Variants in RALGPS1 observed in about 807,000 individuals in gnomAD.
RALGPS1 encodes Ral GEF with PH domain and SH3 binding motif 1.
Under a neutral mutation model 78.8 loss-of-function variants are expected in RALGPS1, and 19 were observed. That is an observed-to-expected ratio of 0.24 (90% CI 0.17 to 0.35). The LOEUF is 0.35. Among genes scored for constraint, RALGPS1 ranks in the 10% least tolerant of loss-of-function variants. The pLI is 1.00. For synonymous variants in RALGPS1, 228 were observed against 256.3 expected (o/e 0.89, Z 1.06); for missense variants, 454 against 688.3 (o/e 0.66, Z 3.81).
At chr9:127,139,326 G>A (rs1288653094) in intron 8 of RALGPS1, among the ~76,000 whole-genome samples, 1 of 152,232 alleles carries the variant, frequency 6.6e-6, no homozygotes, top group East Asian at 1.9e-4. Context: ...CAGGTCCGAG[G>A]CAGACTCCCC....
chr9:127,202,910 C>A (rs1051087296), intron 14 of RALGPS1, among the ~76,000 whole-genome samples: 1 of 149,490 alleles, frequency 6.7e-6, no homozygotes. Context: ...GGCCGCAGGG[C>A]AGCGGCCGCA....
At position 126,962,262 on chromosome 9, in the gene RALGPS1, C is replaced by T; in HGVS notation, c.-28C>T. On this transcript the variant is annotated 5_prime_UTR_variant, in exon 2 of 19. Transcript: ENST00000259351. Reference sequence around the variant, plus strand: ...CAGGTTATGTTACCTGCAGAGGCTGCCCTGAAGCTCCCTGTGGCCTGGAGA... The same window carrying T: ...CAGGTTATGTTACCTGCAGAGGCTGTCCTGAAGCTCCCTGTGGCCTGGAGA... 1 of 1,613,466 alleles carries T rather than the reference C, an allele frequency of 6.2e-7. No individual in the cohort carries two copies. The highest frequency in any genetic ancestry group is 1.7e-4 in the Middle Eastern group (1 of 6,054).
intron 8 of RALGPS1, among the ~76,000 whole-genome samples, chr9:127,123,770 G>A (rs2056378598): frequency 1.3e-5 from 2 of 152,180 alleles, no homozygotes; most frequent in Admixed American, 1.3e-4. Flanking sequence ...GGCAGCCTGG[G>A]AGAAGGTACA....
intron 9 of RALGPS1, among the ~76,000 whole-genome samples, chr9:127,167,156 C>T (rs2059334313): frequency 1.3e-5 from 2 of 152,240 alleles, no homozygotes; most frequent in African/African-American, 2.4e-5. Flanking sequence ...ACTTGCTGTG[C>T]GTAGGGTGTG....
At chr9:127,132,558 C>G (rs1214268058) in intron 8 of RALGPS1, among the ~76,000 whole-genome samples, 2 of 152,216 alleles carry the variant, frequency 1.3e-5, no homozygotes, top group Non-Finnish European at 2.9e-5. Flanking sequence ...CAGTGCCCAG[C>G]ACAGTGCTTG....
At chr9:127,015,534 G>C (rs924985929) in intron 4 of RALGPS1, among the ~76,000 whole-genome samples, 1 of 152,142 alleles carries the variant, frequency 6.6e-6, no homozygotes, top group Non-Finnish European at 1.5e-5. Context: ...GGAGGAGCTT[G>C]GCTTCCTGGC....
At chr9:126,984,127 C>T (rs2041578144) in intron 4 of RALGPS1, among the ~76,000 whole-genome samples, 1 of 152,116 alleles carries the variant, frequency 6.6e-6, no homozygotes, top group African/African-American at 2.4e-5. Flanking sequence ...TTTTCAGAGA[C>T]AGAGTCTTGC....
intron 1 of RALGPS1, among the ~76,000 whole-genome samples, chr9:126,947,875 G>T (rs973789379): frequency 6.6e-6 from 1 of 152,220 alleles, no homozygotes; most frequent in African/African-American, 2.4e-5. Context: ...AATATATGTA[G>T]CTACTGCAGG....
At chr9:127,037,484 C>A (rs909989415) in intron 5 of RALGPS1, among the ~76,000 whole-genome samples, 2 of 152,218 alleles carry the variant, frequency 1.3e-5, no homozygotes, top group African/African-American at 4.8e-5. Context: ...CCAGCTCAAA[C>A]TCAGTTAAGC....
At chr9:127,062,101 G>GT (rs927109802) in intron 7 of RALGPS1, among the ~76,000 whole-genome samples, 24 of 151,338 alleles carry the variant, frequency 1.6e-4, no homozygotes, top group South Asian at 4.2e-4. Context: ...TTTTTTTGTT[G>GT]TTTTTTTTTG....
chr9:127,021,824 G>A (rs917066749), intron 4 of RALGPS1, among the ~76,000 whole-genome samples: 20 of 152,120 alleles, frequency 1.3e-4, no homozygotes, highest in African/African-American at 4.8e-4. Flanking sequence ...CGCTAATCGG[G>A]CTCTTTCTCT....
intron 1 of RALGPS1, among the ~76,000 whole-genome samples, chr9:126,931,294 A>C (rs2035765336): frequency 6.6e-6 from 1 of 152,214 alleles, no homozygotes; most frequent in Non-Finnish European, 1.5e-5. Flanking sequence ...TACCTAAAAG[A>C]AGAGAGGGAG....
chr9:126,919,173 C>T (rs146072910), intron 1 of RALGPS1, among the ~76,000 whole-genome samples: 87 of 152,316 alleles, frequency 5.7e-4, no homozygotes, highest in African/African-American at 2.0e-3. Context: ...TTACTTTGGA[C>T]ATTGTTCTAG....
At chr9:126,934,917 T>C (rs1025455190) in intron 1 of RALGPS1, among the ~76,000 whole-genome samples, 18 of 152,248 alleles carry the variant, frequency 1.2e-4, no homozygotes, top group African/African-American at 4.3e-4. Context: ...GGCCAGCTCA[T>C]TGTGTGAGTT....
At chr9:127,086,942 G>A (rs747961817) in intron 8 of RALGPS1, among the ~76,000 whole-genome samples, 3 of 152,212 alleles carry the variant, frequency 2.0e-5, no homozygotes, top group Non-Finnish European at 2.9e-5. Context: ...GGCTTGGCGT[G>A]GAGGGATGGA....
At chr9:127,203,427 T>C (rs141110485) in intron 14 of RALGPS1, among the ~76,000 whole-genome samples, 150 of 152,288 alleles carry the variant, frequency 9.8e-4, no homozygotes, top group Non-Finnish European at 1.7e-3. Context: ...TTGGCCACCA[T>C]CTCCCCTGGT....
intron 4 of RALGPS1, among the ~76,000 whole-genome samples, chr9:127,028,020 A>G (rs1013175821): frequency 6.6e-6 from 1 of 152,214 alleles, no homozygotes; most frequent in Non-Finnish European, 1.5e-5. Context: ...GATATCCCTA[A>G]GTCTCTGCCC....
chr9:127,011,268 C>G (rs916287017), intron 4 of RALGPS1, among the ~76,000 whole-genome samples: 2 of 152,058 alleles, frequency 1.3e-5, no homozygotes, highest in African/African-American at 4.8e-5. Flanking sequence ...ACCTCTGGCT[C>G]CTGGGTTCAA....
chr9:127,003,485 A>G (rs531145037), intron 4 of RALGPS1, among the ~76,000 whole-genome samples: 2 of 152,298 alleles, frequency 1.3e-5, no homozygotes, highest in East Asian at 3.9e-4. Context: ...AGAGAAATGC[A>G]AATCAAAACC....
Sources: allele counts gnomAD v4.1 joint callset (sites outside exome capture counted in the v4.1 genomes callset), GRCh38; gene constraint gnomAD v4.1.1; transcripts MANE v1.5; gene names NCBI Gene and HGNC (gene_info 2026-07-23, HGNC 2026-07-21).